DNER: variants seen among roughly 807,000 people sequenced by gnomAD.
DNER encodes the protein delta/notch like EGF repeat containing.
A neutral mutation model predicts 78.2 loss-of-function variants in DNER; 33 were observed. The observed-to-expected ratio is 0.42, with a 90% confidence interval of 0.32 to 0.56. The LOEUF (loss-of-function observed/expected upper bound fraction) is 0.56, where lower values mean the gene tolerates loss of function less well. Ranked by LOEUF, DNER falls within the 20% of genes least tolerant of loss-of-function variation. DNER has a pLI of 0.11. For missense variants in DNER, 918 were observed against 975.3 expected (o/e 0.94, Z 0.78); for synonymous variants, 417 against 384.8 (o/e 1.08, Z -0.98).
intron 1 of DNER, among the ~76,000 whole-genome samples, chr2:229,659,307 T>G (rs1398515788): frequency 6.6e-6 from 1 of 152,092 alleles, no homozygotes; most frequent in Non-Finnish European, 1.5e-5. Flanking sequence ...CATAGACACA[T>G]CTACAAATTA....
At chr2:229,458,135 C>CAAAAAAAAAAAAAAAAAAAAA (rs61340733) in intron 7 of DNER, among the ~76,000 whole-genome samples, 6 of 17,716 alleles carry the variant, frequency 3.4e-4, no homozygotes, top group African/African-American at 6.4e-4. Context: ...GACTCTATCT[C>CAAAAAAAAAAAAAAAAAAAAA]AAAAAAAAAA....
At chr2:229,519,141 G>A (rs1696042478) in intron 5 of DNER, among the ~76,000 whole-genome samples, 3 of 151,844 alleles carry the variant, frequency 2.0e-5, no homozygotes, top group Admixed American at 2.0e-4. Context: ...AATACTTTAT[G>A]TAATATAGAG....
chr2:229,612,252 T>C (rs1698063496), intron 1 of DNER, among the ~76,000 whole-genome samples: 1 of 152,174 alleles, frequency 6.6e-6, no homozygotes, highest in South Asian at 2.1e-4. Context: ...TCGGTGGAAT[T>C]GGGATCTCTG....
chr2:229,379,521 G>T (rs1574814767), intron 11 of DNER, among the ~76,000 whole-genome samples: 1 of 152,120 alleles, frequency 6.6e-6, no homozygotes, highest in African/African-American at 2.4e-5. Context: ...TTTTTACAAT[G>T]ATAGGATTTC....
chr2:229,393,661 C>A (rs1693066718), intron 10 of DNER, among the ~76,000 whole-genome samples: 1 of 152,048 alleles, frequency 6.6e-6, no homozygotes, highest in South Asian at 2.1e-4. Flanking sequence ...TCCTGGCTAA[C>A]ACGGTGAAAC....
At chr2:229,477,027 A>G in intron 7 of DNER, 113 bp downstream of exon 7, 1 of 799,036 alleles carries the variant, frequency 1.3e-6, no homozygotes, top group Non-Finnish European at 1.9e-6. Flanking sequence ...AAATCAAACA[A>G]AACAGGAAGT....
At chr2:229,559,956 C>T (rs1044955775) in intron 4 of DNER, among the ~76,000 whole-genome samples, 1 of 152,220 alleles carries the variant, frequency 6.6e-6, no homozygotes, top group African/African-American at 2.4e-5. Flanking sequence ...GTTCTGCCAT[C>T]ATTATGGCCC....
intron 6 of DNER, among the ~76,000 whole-genome samples, chr2:229,494,461 T>C (rs1313800704): frequency 3.9e-5 from 6 of 152,092 alleles, no homozygotes; most frequent in Non-Finnish European, 8.8e-5. Context: ...CCCAAGCAAG[T>C]CTAAAACTCT....
intron 7 of DNER, among the ~76,000 whole-genome samples, chr2:229,474,362 G>A (rs147397568): frequency 1.3e-5 from 2 of 152,348 alleles, no homozygotes; most frequent in African/African-American, 4.8e-5. Context: ...ACACATTCCA[G>A]CAAATTCTTC....
intron 1 of DNER, among the ~76,000 whole-genome samples, chr2:229,702,670 C>A (rs538204684): frequency 1.3e-5 from 2 of 152,224 alleles, no homozygotes; most frequent in Non-Finnish European, 2.9e-5. Context: ...GTAATCCCAG[C>A]ACTTTGGGAG....
intron 6 of DNER, 79 bp from the exon 7 acceptor site, chr2:229,477,332 C>T (rs1184164411): frequency 3.1e-6 from 3 of 974,028 alleles, no homozygotes; most frequent in African/African-American, 1.6e-5. Flanking sequence ...TTGATGGATT[C>T]AACTGGTACC....
At chr2:229,613,056 T>C (rs1354208041) in intron 1 of DNER, among the ~76,000 whole-genome samples, 1 of 152,222 alleles carries the variant, frequency 6.6e-6, no homozygotes, top group Non-Finnish European at 1.5e-5. Context: ...CATTGTAAAA[T>C]GTCCAACATG....
At chr2:229,417,085 A>C (rs1480999323) in intron 9 of DNER, among the ~76,000 whole-genome samples, 1 of 152,218 alleles carries the variant, frequency 6.6e-6, no homozygotes, top group Non-Finnish European at 1.5e-5. Context: ...ACCGAACGTC[A>C]TACTCCAACA....
At chr2:229,588,538 A>C in intron 2 of DNER, 50 bp from the exon 3 acceptor site, 1 of 1,542,502 alleles carries the variant, frequency 6.5e-7, no homozygotes, top group Non-Finnish European at 8.9e-7. Flanking sequence ...TTTATAGTAT[A>C]ACATAATGTG....
chr2:229,520,765 C>T (rs1696078983), intron 5 of DNER, among the ~76,000 whole-genome samples: 1 of 152,216 alleles, frequency 6.6e-6, no homozygotes, highest in African/African-American at 2.4e-5. Context: ...GTGGAGAACA[C>T]TGTGAGCATG....
At chr2:229,414,811 C>G (rs1270474967) in intron 9 of DNER, among the ~76,000 whole-genome samples, 2 of 152,140 alleles carry the variant, frequency 1.3e-5, no homozygotes, top group African/African-American at 2.4e-5. Flanking sequence ...ATTAAGGTCC[C>G]TAATCAGTTG....
At chr2:229,668,534 GTGTATATATATATA>G (rs1354974149) in intron 1 of DNER, among the ~76,000 whole-genome samples, 1 of 4,964 alleles carries the variant, frequency 2.0e-4, no homozygotes, top group Non-Finnish European at 9.7e-4. Context: ...GTGTGTGTGT[GTGTATATATATATA>G]TATATATATA....
chr2:229,489,599 G>A (rs1033755307), intron 6 of DNER, among the ~76,000 whole-genome samples: 2 of 152,056 alleles, frequency 1.3e-5, no homozygotes, highest in African/African-American at 4.8e-5. Context: ...GCCTGGTGCA[G>A]GCAAAGTGCT....
At chr2:229,608,564 C>A (rs542609305) in intron 1 of DNER, among the ~76,000 whole-genome samples, 1 of 152,094 alleles carries the variant, frequency 6.6e-6, no homozygotes, top group African/African-American at 2.4e-5. Flanking sequence ...ACAGACAAAT[C>A]GCAGAAACAC....
Sources: allele counts gnomAD v4.1 joint callset (sites outside exome capture counted in the v4.1 genomes callset), GRCh38; gene constraint gnomAD v4.1.1; transcripts MANE v1.5; gene names NCBI Gene and HGNC (gene_info 2026-07-23, HGNC 2026-07-21).